PDE5A: variants seen among roughly 807,000 people sequenced by gnomAD.
PDE5A encodes phosphodiesterase 5A, also known as cGMP-specific 3',5'-cyclic phosphodiesterase.
Under a neutral mutation model 110.2 loss-of-function variants are expected in PDE5A, and 67 were observed. The observed-to-expected ratio is 0.61, with a 90% CI of 0.50 to 0.75. PDE5A has a LOEUF of 0.75. Ranked by LOEUF, PDE5A falls within the 30% of genes least tolerant of loss-of-function variation. The pLI, the probability that PDE5A is intolerant of heterozygous loss-of-function variation, is 0.00. For synonymous variants in PDE5A, 328 were observed against 351.2 expected (o/e 0.93, Z 0.74); for missense variants, 862 against 1,045.1 (o/e 0.82, Z 2.42).
chr4:119,516,786 G>A (rs1392383535), intron 14 of PDE5A, among the ~76,000 whole-genome samples: 1 of 151,928 alleles, frequency 6.6e-6, no homozygotes, highest in Non-Finnish European at 1.5e-5. Flanking sequence ...CCCGGCTAAT[G>A]TTTTTTGTAT....
chr4:119,587,485 G>A (rs1432455995), intron 3 of PDE5A, among the ~76,000 whole-genome samples: 12 of 151,852 alleles, frequency 7.9e-5, no homozygotes, highest in Non-Finnish European at 1.3e-4. Context: ...CCGGGTTCAC[G>A]CCATTCTCCT....
chr4:119,544,451 GAAC>G (rs1214773470), intron 9 of PDE5A, among the ~76,000 whole-genome samples: 1 of 152,004 alleles, frequency 6.6e-6, no homozygotes, highest in African/African-American at 2.4e-5. Flanking sequence ...CAAAAAACAA[GAAC>G]AAAAAGCAAA....
intron 3 of PDE5A, among the ~76,000 whole-genome samples, chr4:119,572,513 T>C (rs1728176238): frequency 6.6e-6 from 1 of 152,218 alleles, no homozygotes. Flanking sequence ...CCATTAATTA[T>C]GGAGTTGAAA....
At chr4:119,599,153 A>G (rs1729252635) in intron 2 of PDE5A, among the ~76,000 whole-genome samples, 1 of 152,076 alleles carries the variant, frequency 6.6e-6, no homozygotes, top group South Asian at 2.1e-4. Context: ...AAATAATAAG[A>G]CCAAGCCTGA....
chr4:119,498,718 C>A lies in PDE5A; in HGVS notation c.2511G>T (p.Glu837Asp). ...AGCCATCTAGCAAAGGGAAACAGTC[C>A]TCTGACACGTGGGTCAGGGCCTAAA... ...QLYEALTHVS[E>D]DCFPLLDGCR... The change falls in exon 21 of 21, where the codon GAG becomes GAT. Residue 837 changes from glutamate to aspartate, a missense_variant. Transcript: ENST00000354960. The A allele has an allele frequency of 6.2e-7, 1 of 1,613,890 alleles. No individual in the cohort carries two copies. Among genetic ancestry groups the A allele is most frequent in the East Asian group, 2.2e-5 (1 of 44,870 alleles).
At chr4:119,577,681 G>A (rs1482121708) in intron 3 of PDE5A, among the ~76,000 whole-genome samples, 4 of 152,144 alleles carry the variant, frequency 2.6e-5, no homozygotes, top group Middle Eastern at 3.4e-3. Flanking sequence ...TTGATGGGAC[G>A]TATCTCAAAA....
chr4:119,523,243 A>G (rs1384946356), intron 12 of PDE5A, among the ~76,000 whole-genome samples: 1 of 152,064 alleles, frequency 6.6e-6, no homozygotes, highest in Non-Finnish European at 1.5e-5. Flanking sequence ...AGTGAAAATA[A>G]GCACAGCACA....
chr4:119,565,441 G>T (rs199843889), intron 4 of PDE5A, 31 bp from the exon 5 acceptor site: 3 of 1,469,046 alleles, frequency 2.0e-6, no homozygotes, highest in Non-Finnish European at 2.9e-6. Context: ...AAATAAAAAC[G>T]GTACATAAAA....
At chr4:119,546,996 C>A (rs1727151040) in intron 9 of PDE5A, among the ~76,000 whole-genome samples, 1 of 151,568 alleles carries the variant, frequency 6.6e-6, no homozygotes. Context: ...CCATTTAACA[C>A]TAATATAATT....
chr4:119,501,867 TAATG>T (rs1013369968), intron 19 of PDE5A, among the ~76,000 whole-genome samples: 6 of 152,250 alleles, frequency 3.9e-5, no homozygotes, highest in Admixed American at 3.3e-4. Flanking sequence ...GCTAACAAGA[TAATG>T]AAGAATGAGG....
intron 1 of PDE5A, among the ~76,000 whole-genome samples, chr4:119,622,951 A>T (rs1366116871): frequency 6.6e-6 from 1 of 151,712 alleles, no homozygotes; most frequent in Admixed American, 6.6e-5. Flanking sequence ...CTTAACACTC[A>T]GTTTGCTTTA....
chr4:119,518,979 A>AACTT (rs1241542464), intron 14 of PDE5A, 66 bp downstream of exon 14: 112 of 1,133,414 alleles, frequency 9.9e-5, no homozygotes, highest in Non-Finnish European at 1.4e-4. Context: ...CTGTGGCTTT[A>AACTT]ACTTAAAAAA....
At chr4:119,619,823 G>C (rs1374930871) in intron 1 of PDE5A, among the ~76,000 whole-genome samples, 1 of 152,194 alleles carries the variant, frequency 6.6e-6, no homozygotes, top group Non-Finnish European at 1.5e-5. Context: ...TACAGAGAGA[G>C]TAAATAATGC....
rs996740239 is a variant in PDE5A, at chr4:119,559,347, T to C, written c.1199+949A>G. Among the ~76,000 whole-genome samples, 4 of 152,140 alleles carry C rather than the reference T, an allele frequency of 2.6e-5. No homozygotes were observed. The East Asian group carries it at 7.7e-4, about 29-fold the overall frequency. ...TCAAAAGCCAATACCTAAAATATAA[T>C]ACACAGGGATATGCTGCTGCACAAA... On this transcript the variant is annotated intron_variant, in intron 7 of 20. Transcript: ENST00000354960.
Position 119,585,974 on chromosome 4 carries a change from A to C in PDE5A, c.831+10549T>G, listed in dbSNP as rs145636999. Among the ~76,000 whole-genome samples, 602 of 152,302 alleles carry C rather than the reference A, an allele frequency of 4.0e-3. 5 individuals carry two copies. The highest frequency in any genetic ancestry group is 0.013 in the African/African-American group (550 of 41,566). On this transcript the variant is annotated intron_variant, in intron 3 of 20. Transcript: ENST00000354960. ...ACCTCTTGAAAATGGATGATCAAGC[A>C]TAAGTCATGCAGCCCCTGCCCACAT...
rs200733031 is a variant in PDE5A at position 119,495,419 on chromosome 4, C to T, written c.*3182G>A. 9.0e-4 allele frequency: 137 copies of T among 152,326 alleles called. No individual in the cohort carries two copies. The highest frequency in any genetic ancestry group is 2.8e-3 in the African/African-American group (115 of 41,496). The allele number at this position is 152,326 out of a possible 1,614,324, so 9.4% of individuals were successfully genotyped here. A position where few individuals can be genotyped will look rare whatever the true frequency, so the allele number is the denominator to read the frequency against. On this transcript the variant is annotated 3_prime_UTR_variant, in exon 21 of 21. Coordinates refer to ENST00000354960, the MANE Select transcript of PDE5A (RefSeq NM_001083.4). The stretch of plus-strand genomic sequence containing the variant: ...AGAGGATAACGATGACATTTTGTAT[C>T]CTCTCATATTAAATCAATCTTGTAA...
intron 11 of PDE5A, among the ~76,000 whole-genome samples, chr4:119,528,571 G>A (rs554096974): frequency 2.6e-5 from 4 of 152,072 alleles, no homozygotes; most frequent in Non-Finnish European, 4.4e-5. Flanking sequence ...AAGGAATGTC[G>A]GCTATTGGGG....
At position 119,577,313 on chromosome 4, in the gene PDE5A, G is replaced by T. The variant is rs184825260; in HGVS notation, c.832-10169C>A. 3.6e-3 allele frequency among the ~76,000 whole-genome samples: 545 copies of T among 152,166 alleles called. 3 individuals are homozygous for T. Among genetic ancestry groups the T allele is most frequent in the African/African-American group, 0.013 (531 of 41,522 alleles). On this transcript the variant is annotated intron_variant, in intron 3 of 20. Transcript: ENST00000354960. ...ACCATTCCAAACAACAGAAAAAGAG[G>T]GAATCCTCCCTAACTCATTTTATGA...
At chr4:119,574,549 C>A (rs1728262561) in intron 3 of PDE5A, among the ~76,000 whole-genome samples, 1 of 152,082 alleles carries the variant, frequency 6.6e-6, no homozygotes, top group African/African-American at 2.4e-5. Context: ...CCAGTACATA[C>A]TAACGCTTAG....
Sources: gnomAD v4.1 joint callset for allele counts (sites outside exome capture counted in the v4.1 genomes callset) on GRCh38, gnomAD v4.1.1 for gene constraint, MANE v1.5 for transcripts, NCBI Gene and HGNC (gene_info 2026-07-23, HGNC 2026-07-21) for gene names.